Variants in SDC2 observed in about 807,000 individuals in gnomAD.
SDC2 encodes the protein syndecan-2.
SDC2 carries 13 observed loss-of-function variants against 22.2 expected under a neutral mutation model. That is an observed-to-expected ratio of 0.59 (90% CI 0.38 to 0.93). The LOEUF (loss-of-function observed/expected upper bound fraction) is 0.93. Among genes scored for constraint, SDC2 ranks in the 40% least tolerant of loss-of-function variants. SDC2 has a pLI of 0.00. For synonymous variants in SDC2, 94 were observed against 92.8 expected (o/e 1.01, Z -0.07); for missense variants, 235 against 246.8 (o/e 0.95, Z 0.32).
At chr8:96,511,667 GT>G (rs1813330673) in intron 1 of SDC2, among the ~76,000 whole-genome samples, 1 of 152,168 alleles carries the variant, frequency 6.6e-6, no homozygotes, top group Non-Finnish European at 1.5e-5. Flanking sequence ...GTGAGTGCTG[GT>G]GCAAGTAATG....
At chr8:96,520,096 CT>C (rs1356277409) in intron 1 of SDC2, among the ~76,000 whole-genome samples, 12 of 152,262 alleles carry the variant, frequency 7.9e-5, no homozygotes, top group Admixed American at 3.3e-4. Context: ...AACAAGATGA[CT>C]TTTGTTGGGT....
intron 1 of SDC2, among the ~76,000 whole-genome samples, chr8:96,494,972 G>A (rs1813046823): frequency 6.6e-6 from 1 of 152,230 alleles, no homozygotes; most frequent in South Asian, 2.1e-4. Flanking sequence ...TACTGGGGGA[G>A]GCACGGAACG....
intron 1 of SDC2, among the ~76,000 whole-genome samples, chr8:96,559,112 C>T (rs1028385446): frequency 6.6e-6 from 1 of 152,138 alleles, no homozygotes; most frequent in Non-Finnish European, 1.5e-5. Context: ...GGTGCTTGCT[C>T]TCTGGGATCT....
intron 1 of SDC2, among the ~76,000 whole-genome samples, chr8:96,510,315 A>G (rs2253255): frequency 0.083 from 12,690 of 152,186 alleles, 849 homozygotes; most frequent in African/African-American, 0.18. Context: ...AGTCGCTTCA[A>G]TTCCATGGAG....
chr8:96,577,319 C>G, intron 1 of SDC2, among the ~76,000 whole-genome samples: 1 of 152,156 alleles, frequency 6.6e-6, no homozygotes, highest in East Asian at 1.9e-4. Context: ...TCATCTAAAA[C>G]CTGGTTTCAC....
chr8:96,608,272 T>G, intron 3 of SDC2, 63 bp from the exon 4 acceptor site: 1 of 1,538,360 alleles, frequency 6.5e-7, no homozygotes. Flanking sequence ...TACTCATCTA[T>G]TATTTCTTCT....
intron 1 of SDC2, among the ~76,000 whole-genome samples, chr8:96,564,000 C>T (rs1377887321): frequency 6.6e-6 from 1 of 152,194 alleles, no homozygotes; most frequent in Non-Finnish European, 1.5e-5. Context: ...TAACAAACTA[C>T]AGGCTTGTAT....
At chr8:96,519,640 TAGA>T (rs1261316347) in intron 1 of SDC2, among the ~76,000 whole-genome samples, 2 of 152,170 alleles carry the variant, frequency 1.3e-5, no homozygotes, top group Non-Finnish European at 2.9e-5. Flanking sequence ...AATTATTTTT[TAGA>T]AGTAGTATAA....
chr8:96,508,753 G>A (rs1000716871), intron 1 of SDC2, among the ~76,000 whole-genome samples: 2 of 141,960 alleles, frequency 1.4e-5, no homozygotes, highest in Non-Finnish European at 3.2e-5. Flanking sequence ...CCCAGCACAA[G>A]TTAGAGCCTC....
At chr8:96,495,418 C>T (rs1813057169) in intron 1 of SDC2, among the ~76,000 whole-genome samples, 1 of 152,174 alleles carries the variant, frequency 6.6e-6, no homozygotes, top group Non-Finnish European at 1.5e-5. Flanking sequence ...TCCTCTCGTC[C>T]GCAGCTGCCT....
rs1355211044 is a variant in SDC2 at position 96,506,226 on chromosome 8, T to C, written c.60+11895T>C. ...TCTTCAAAGAAAGACTTCCAAGTGG[T>C]AAAATGTACAAAAGGTAGAAAGAGT... On this transcript the variant is annotated intron_variant, in intron 1 of 4. Coordinates refer to ENST00000302190, the MANE Select transcript of SDC2 (RefSeq NM_002998.4). 2.0e-5 allele frequency among the ~76,000 whole-genome samples: 3 copies of C among 152,246 alleles called. No homozygotes were observed. The East Asian group carries it at 5.8e-4, about 29-fold the overall frequency.
At chr8:96,525,069 A>C (rs138525486) in intron 1 of SDC2, among the ~76,000 whole-genome samples, 61 of 152,348 alleles carry the variant, frequency 4.0e-4, no homozygotes, top group Non-Finnish European at 6.6e-4. Context: ...CTTTCAGCTC[A>C]TTCCAGAGGA....
intron 1 of SDC2, among the ~76,000 whole-genome samples, chr8:96,513,347 G>C (rs114432755): frequency 0.058 from 8,871 of 152,276 alleles, 326 homozygotes; most frequent in Middle Eastern, 0.19. Flanking sequence ...TATTAAGAGA[G>C]TCTTTGGGAT....
intron 1 of SDC2, among the ~76,000 whole-genome samples, chr8:96,575,776 A>G (rs1037181485): frequency 6.6e-6 from 1 of 152,176 alleles, no homozygotes; most frequent in Admixed American, 6.5e-5. Context: ...TTCTTTAGCT[A>G]TCTGAATACG....
intron 1 of SDC2, among the ~76,000 whole-genome samples, chr8:96,515,923 C>T (rs1367827373): frequency 6.6e-6 from 1 of 152,104 alleles, no homozygotes; most frequent in Non-Finnish European, 1.5e-5. Context: ...GACACTTTCA[C>T]CAACTTACGG....
chr8:96,567,117 G>A (rs1320280962), intron 1 of SDC2, among the ~76,000 whole-genome samples: 1 of 152,216 alleles, frequency 6.6e-6, no homozygotes, highest in African/African-American at 2.4e-5. Context: ...GCTTCCCAAA[G>A]TGTTGGGATT....
chr8:96,609,266 T>TA (rs1271174200), intron 4 of SDC2, 119 bp from the exon 5 acceptor site: 3 of 766,024 alleles, frequency 3.9e-6, no homozygotes, highest in East Asian at 2.9e-5. Context: ...GCTTTTTTTT[T>TA]ATTGGGGTTT....
At chr8:96,574,619 G>T (rs1195816828) in intron 1 of SDC2, among the ~76,000 whole-genome samples, 2 of 152,308 alleles carry the variant, frequency 1.3e-5, no homozygotes, top group Non-Finnish European at 2.9e-5. Flanking sequence ...TGTGTGGTCT[G>T]CAGGACCTTG....
rs555499359 is a variant in SDC2 at position 96,522,251 on chromosome 8, A to G, written c.60+27920A>G. 2.8e-3 allele frequency among the ~76,000 whole-genome samples: 422 copies of G among 152,322 alleles called. 3 individuals carry two copies. Among genetic ancestry groups the G allele is most frequent in the South Asian group, 4.6e-3 (22 of 4,828 alleles). ...GGAAAAAAAGTCTTGCCTTAGAGCT[A>G]TGCCTTGGGAAGTGCTTTTTATTTA... is the stretch of plus-strand genomic sequence containing the variant. On this transcript the variant is annotated intron_variant, in intron 1 of 4. Transcript: ENST00000302190.
Sources: allele counts gnomAD v4.1 joint callset (sites outside exome capture counted in the v4.1 genomes callset), GRCh38; gene constraint gnomAD v4.1.1; transcripts MANE v1.5; gene names NCBI Gene and HGNC (gene_info 2026-07-23, HGNC 2026-07-21).